The following NLGN1 variants were observed in gnomAD, a reference collection of about 807,000 sequenced individuals.
NLGN1 encodes the protein neuroligin-1.
In NLGN1, 12 loss-of-function variants were observed where a neutral mutation model predicts 65.5. That is an observed-to-expected ratio of 0.18 (90% CI 0.12 to 0.30). The LOEUF is 0.30. NLGN1 is among the 10% of genes least tolerant of loss of function. NLGN1 has a pLI of 1.00. For synonymous variants in NLGN1, 350 were observed against 359.5 expected, an observed-to-expected ratio of 0.97 and a Z score of 0.30; for missense variants, 750 against 1,007.1, an observed-to-expected ratio of 0.74 and a Z score of 3.46.
chr3:174,265,906 G>A (rs200340788), intron 4 of NLGN1, among the ~76,000 whole-genome samples: 12 of 94,924 alleles, frequency 1.3e-4, no homozygotes, highest in Non-Finnish European at 2.1e-4. Context: ...GTATATATGT[G>A]TATATATGTA....
In NLGN1 at chr3:173,818,895, C is replaced by CTTTTTTTTTTTTTTT. The variant is rs200212547; in HGVS notation, c.646+11065_646+11079dup. Among the ~76,000 whole-genome samples, 234 of 92,352 alleles carry CTTTTTTTTTTTTTTT rather than the reference C, an allele frequency of 2.5e-3. 46 individuals are homozygous for CTTTTTTTTTTTTTTT. The highest frequency in any genetic ancestry group is 9.3e-3 in the African/African-American group (197 of 21,212). The allele number at this position is 92,352 out of a possible 152,430, so 60.6% of individuals were successfully genotyped here. A position where few individuals can be genotyped will look rare whatever the true frequency, so the allele number is the denominator to read the frequency against. On this transcript the variant is annotated intron_variant, in intron 4 of 6. Coordinates refer to ENST00000457714, the Ensembl canonical transcript of NLGN1. ...AATTTTGTTCTGCCTTTGAATAGTT[C>CTTTTTTTTTTTTTTT]TTTTTTTTTTTTTTTTCCAGTAAGG...
At chr3:173,982,138 A>G (rs1718916687) in intron 4 of NLGN1, among the ~76,000 whole-genome samples, 1 of 152,122 alleles carries the variant, frequency 6.6e-6, no homozygotes, top group African/African-American at 2.4e-5. Context: ...AGATGAAATG[A>G]CTAGGGCTAG....
chr3:173,446,988 CAA>C (rs967493080), intron 2 of NLGN1, among the ~76,000 whole-genome samples: 3 of 152,066 alleles, frequency 2.0e-5, no homozygotes, highest in Non-Finnish European at 4.4e-5. Context: ...GAGTAGGTTG[CAA>C]AAATTTTCTC....
At chr3:173,813,321 CA>C (rs1718365261) in intron 4 of NLGN1, among the ~76,000 whole-genome samples, 1 of 152,016 alleles carries the variant, frequency 6.6e-6, no homozygotes, top group African/African-American at 2.4e-5. Context: ...AACAAATAAA[CA>C]AAAAACTTCA....
At chr3:173,585,198 A>G (rs1327565551) in intron 2 of NLGN1, among the ~76,000 whole-genome samples, 1 of 152,128 alleles carries the variant, frequency 6.6e-6, no homozygotes, top group African/African-American at 2.4e-5. Flanking sequence ...AGATCGAGCT[A>G]AAAAACCTTG....
chr3:174,145,960 A>G (rs1174081916), intron 4 of NLGN1, among the ~76,000 whole-genome samples: 1 of 152,382 alleles, frequency 6.6e-6, no homozygotes, highest in South Asian at 2.1e-4. Context: ...CATCATGACT[A>G]GTGTGTGTGC....
At chr3:174,288,654 G>C (rs745952366), downstream of NLGN1, among the ~76,000 whole-genome samples, 5 of 151,292 alleles carry the variant, frequency 3.3e-5, no homozygotes, top group African/African-American at 9.7e-5. Context: ...TCTAATCACT[G>C]TTCTCCAAAT....
chr3:173,481,936 T>TGAA (rs1553863255), intron 2 of NLGN1, among the ~76,000 whole-genome samples: 1 of 151,978 alleles, frequency 6.6e-6, no homozygotes, highest in African/African-American at 2.4e-5. Context: ...TTCTTTGATA[T>TGAA]TAAAATGACA....
intron 4 of NLGN1, among the ~76,000 whole-genome samples, chr3:174,044,408 C>A (rs144742013): frequency 1.9e-4 from 29 of 151,782 alleles, no homozygotes; most frequent in African/African-American, 6.7e-4. Context: ...TCTGCTTCCT[C>A]TTGAATGCTT....
At chr3:173,864,598 T>C (rs1729760050) in intron 4 of NLGN1, among the ~76,000 whole-genome samples, 1 of 152,210 alleles carries the variant, frequency 6.6e-6, no homozygotes, top group Admixed American at 6.5e-5. Flanking sequence ...TTAATTTTGC[T>C]ATTTACCATA....
At chr3:173,949,601 C>T (rs1032553145) in intron 4 of NLGN1, among the ~76,000 whole-genome samples, 12 of 152,056 alleles carry the variant, frequency 7.9e-5, no homozygotes, top group African/African-American at 2.9e-4. Flanking sequence ...AAATAATCTT[C>T]AGTTAGTAAA....
intron 4 of NLGN1, among the ~76,000 whole-genome samples, chr3:173,981,138 G>A (rs1718683404): frequency 6.6e-6 from 1 of 152,106 alleles, no homozygotes; most frequent in Non-Finnish European, 1.5e-5. Flanking sequence ...TCCTCCTGGT[G>A]ACATAATCCT....
In NLGN1 at chr3:173,590,485, A is replaced by C. The variant is rs544676117; in HGVS notation, c.-320-13794A>C. 2.3e-4 allele frequency among the ~76,000 whole-genome samples: 35 copies of C among 152,276 alleles called. No homozygotes were observed. The East Asian group carries it at 5.6e-3, about 24-fold the overall frequency. ...GGAATACTGTACTAGTAGTCTGTAT[A>C]ACCTCCACCATAGTAGGGGATTTTT... On this transcript the variant is annotated intron_variant, in intron 2 of 6. Transcript: ENST00000457714.
chr3:173,542,717 A>G (rs1171244211), intron 2 of NLGN1, among the ~76,000 whole-genome samples: 1 of 151,992 alleles, frequency 6.6e-6, no homozygotes, highest in Non-Finnish European at 1.5e-5. Flanking sequence ...AGAGGCTTTC[A>G]TTCTAACCCC....
chr3:173,966,742 A>T (rs534677579), intron 4 of NLGN1, among the ~76,000 whole-genome samples: 1 of 152,344 alleles, frequency 6.6e-6, no homozygotes, highest in African/African-American at 2.4e-5. Context: ...ATAAAAATAG[A>T]CAAAATTTTT....
rs1576915254 is a variant in NLGN1 at position 174,108,399 on chromosome 3, C to T, written c.647-166916C>T. Among the ~76,000 whole-genome samples the T allele has an allele frequency of 3.3e-5, 5 of 152,132 alleles. No individual in the cohort carries two copies. The South Asian group carries it at 1.0e-3, about 32-fold the overall frequency. On this transcript the variant is annotated intron_variant, in intron 4 of 6. Coordinates refer to ENST00000457714, the Ensembl canonical transcript of NLGN1. ...TTGGGGACTATTTTTTGTCTGCACTCCCTGGTATTTCCAGGTACCTCTTTT... is the reference window on the plus strand; with the variant it reads ...TTGGGGACTATTTTTTGTCTGCACTTCCTGGTATTTCCAGGTACCTCTTTT...
At chr3:174,210,111 C>T (rs1193288342) in intron 4 of NLGN1, among the ~76,000 whole-genome samples, 2 of 152,278 alleles carry the variant, frequency 1.3e-5, no homozygotes, top group East Asian at 1.9e-4. Flanking sequence ...CCCCTTAACA[C>T]GTAAGTATGA....
intron 2 of NLGN1, among the ~76,000 whole-genome samples, chr3:173,537,124 C>A (rs1156858369): frequency 6.6e-6 from 1 of 152,086 alleles, no homozygotes; most frequent in Non-Finnish European, 1.5e-5. Context: ...TTAATCTCGC[C>A]CAGAAACACT....
chr3:173,406,863 C>T (rs1718801666), intron 1 of NLGN1, among the ~76,000 whole-genome samples: 1 of 151,988 alleles, frequency 6.6e-6, no homozygotes, highest in Non-Finnish European at 1.5e-5. Context: ...TGCTTCTCAC[C>T]TACCTGCTTT....
Sources: gnomAD v4.1 joint callset for allele counts (sites outside exome capture counted in the v4.1 genomes callset) on GRCh38, gnomAD v4.1.1 for gene constraint, MANE v1.5 for transcripts, NCBI Gene and HGNC (gene_info 2026-07-23, HGNC 2026-07-21) for gene names.